The following JMJD1C variants were observed in gnomAD, a reference collection of about 807,000 sequenced individuals.
JMJD1C encodes jumonji domain containing 1C.
In JMJD1C, 31 loss-of-function variants were observed where a neutral mutation model predicts 245.3. The observed-to-expected ratio is 0.13, with a 90% CI of 0.09 to 0.17. The LOEUF is 0.17. Ranked by LOEUF, JMJD1C falls within the 10% of genes least tolerant of loss-of-function variation. The pLI, the probability that JMJD1C is intolerant of heterozygous loss-of-function variation, is 1.00. For synonymous variants in JMJD1C, 1,057 were observed against 1,017.4 expected (o/e 1.04, Z -0.74); for missense variants, 2,691 against 3,000.2 (o/e 0.90, Z 2.41).
Position 63,213,945 on chromosome 10 carries a change from T to C in JMJD1C, c.2222A>G (p.His741Arg). ...TAAACAGGTTCTATGAGATGAGGAG[T>C]GAAGAGGAAAAGGATGCTGGCTTAG... Reference protein sequence around the residue: ...PFLSQHPFPLHSSSHRTCLNP... With the variant: ...PFLSQHPFPLRSSSHRTCLNP... The change falls in exon 8 of 26, where the codon CAC becomes CGC. Residue 741 changes from histidine to arginine, a missense_variant. His to Arg is a conservative substitution (Grantham distance 29, BLOSUM62 0). Coordinates refer to ENST00000399262, the MANE Select transcript of JMJD1C (RefSeq NM_032776.3). 6.2e-7 allele frequency: 1 copy of C among 1,613,472 alleles called. No homozygotes were observed. The highest frequency in any genetic ancestry group is 8.5e-7 in the Non-Finnish European group (1 of 1,179,828).
At chr10:63,170,514 T>C (rs1378305431) in intron 24 of JMJD1C, among the ~76,000 whole-genome samples, 2 of 152,248 alleles carry the variant, frequency 1.3e-5, no homozygotes, top group African/African-American at 4.8e-5. Context: ...TGTTCCACTA[T>C]CTCACTGGTC....
intron 24 of JMJD1C, among the ~76,000 whole-genome samples, chr10:63,174,998 T>A (rs1842754048): frequency 6.6e-6 from 1 of 152,224 alleles, no homozygotes; most frequent in Non-Finnish European, 1.5e-5. Context: ...ATGCAAATTA[T>A]ATCTCAATTT....
chr10:63,242,582 T>G (rs1851620185), intron 3 of JMJD1C, among the ~76,000 whole-genome samples: 1 of 152,104 alleles, frequency 6.6e-6, no homozygotes, highest in Non-Finnish European at 1.5e-5. Flanking sequence ...AAAAATTAGC[T>G]GGGCATGGTG....
chr10:63,191,170 C>T (rs1361150446), intron 16 of JMJD1C, 62 bp from the exon 17 acceptor site: 2 of 1,380,336 alleles, frequency 1.4e-6, no homozygotes, highest in East Asian at 2.3e-5. Flanking sequence ...CTCATTCTGT[C>T]GCCCAGGCTG....
intron 5 of JMJD1C, 113 bp from the exon 6 acceptor site, chr10:63,215,809 T>A (rs1847913291): frequency 1.6e-6 from 1 of 640,448 alleles, no homozygotes. Context: ...GGATCCCTAA[T>A]TTATAAGATG....
chr10:63,446,595 A>C (rs1272632631), intron 1 of JMJD1C, among the ~76,000 whole-genome samples: 1 of 152,246 alleles, frequency 6.6e-6, no homozygotes, highest in Admixed American at 6.5e-5. Flanking sequence ...AAAACCTTCC[A>C]AGGAGAGGCA....
chr10:63,450,797 G>A (rs1360494260), intron 1 of JMJD1C, among the ~76,000 whole-genome samples: 7 of 151,848 alleles, frequency 4.6e-5, no homozygotes, highest in Admixed American at 1.3e-4. Flanking sequence ...TCTATTCAAC[G>A]CAGCATTGGA....
chr10:63,276,206 C>T (rs1040967032), intron 2 of JMJD1C, among the ~76,000 whole-genome samples: 1 of 152,042 alleles, frequency 6.6e-6, no homozygotes, highest in Admixed American at 6.6e-5. Context: ...GTGGCTCATA[C>T]CTGTAATCCC....
At chr10:63,305,457 ACCCT>A (rs1554880629) in intron 2 of JMJD1C, among the ~76,000 whole-genome samples, 1 of 37,212 alleles carries the variant, frequency 2.7e-5, no homozygotes, top group African/African-American at 1.1e-4. Context: ...AGACGCTCTG[ACCCT>A]CTCTCTCTCT....
At chr10:63,265,277 G>A (rs751534757) in intron 2 of JMJD1C, among the ~76,000 whole-genome samples, 2 of 117,372 alleles carry the variant, frequency 1.7e-5, no homozygotes, top group Non-Finnish European at 3.5e-5. Flanking sequence ...CCCCGCCCCT[G>A]CACCAAGCAC....
At chr10:63,277,963 C>A (rs1856983938) in intron 2 of JMJD1C, among the ~76,000 whole-genome samples, 1 of 151,648 alleles carries the variant, frequency 6.6e-6, no homozygotes, top group Non-Finnish European at 1.5e-5. Context: ...TCTCCAACTA[C>A]CTCAGGTTAT....
chr10:63,208,861 G>C, intron 9 of JMJD1C, 60 bp from the exon 10 acceptor site: 1 of 1,324,838 alleles, frequency 7.5e-7, no homozygotes, highest in African/African-American at 1.5e-5. Flanking sequence ...TACAAAGACA[G>C]CTTCTATGCA....
intron 2 of JMJD1C, among the ~76,000 whole-genome samples, chr10:63,328,793 A>T (rs887715274): frequency 6.6e-6 from 1 of 152,248 alleles, no homozygotes; most frequent in Non-Finnish European, 1.5e-5. Context: ...TTTAATATGT[A>T]CTTTAACTTT....
intron 1 of JMJD1C, among the ~76,000 whole-genome samples, chr10:63,417,119 ACTT>A (rs1294000736): frequency 1.3e-5 from 2 of 152,174 alleles, no homozygotes; most frequent in Non-Finnish European, 2.9e-5. Context: ...GACGGCACCT[ACTT>A]TGAAAAAATT....
chr10:63,293,100 T>C (rs1289724339), intron 2 of JMJD1C, among the ~76,000 whole-genome samples: 2 of 152,104 alleles, frequency 1.3e-5, no homozygotes, highest in African/African-American at 4.8e-5. Context: ...TAGCCAAGTA[T>C]TTTCCCCAGG....
intron 3 of JMJD1C, chr10:63,222,377 G>A: frequency 1.0e-6 from 1 of 997,768 alleles, no homozygotes; most frequent in Non-Finnish European, 1.6e-6. Context: ...CAGTACAGCT[G>A]GATGTCATCC....
intron 2 of JMJD1C, among the ~76,000 whole-genome samples, chr10:63,343,100 G>A (rs1023506123): frequency 7.9e-5 from 12 of 152,056 alleles, no homozygotes; most frequent in African/African-American, 2.4e-4. Flanking sequence ...AGTGGCTCGC[G>A]TCTGCAATCC....
upstream of JMJD1C, among the ~76,000 whole-genome samples, chr10:63,468,649 T>C (rs910827974): frequency 6.6e-6 from 1 of 152,354 alleles, no homozygotes; most frequent in East Asian, 1.9e-4. Flanking sequence ...AAATTAGACA[T>C]ATAAATTAGA....
chr10:63,409,243 C>T lies in JMJD1C; in HGVS notation c.169-28761G>A, dbSNP rs78826495. Among the ~76,000 whole-genome samples, 975 of 152,240 alleles carry T rather than the reference C, an allele frequency of 6.4e-3. 6 individuals carry two copies. Among genetic ancestry groups the T allele is most frequent in the Non-Finnish European group, 0.011 (758 of 68,026 alleles). ...CTTACTACATACATAAAACAACTTCCATACACAGAAAATTCTGGGAGGGAT... is the reference window on the plus strand; with the variant it reads ...CTTACTACATACATAAAACAACTTCTATACACAGAAAATTCTGGGAGGGAT... On this transcript the variant is annotated intron_variant, in intron 1 of 25. Transcript: ENST00000399262.
Sources: gnomAD v4.1 joint callset for allele counts (sites outside exome capture counted in the v4.1 genomes callset) on GRCh38, gnomAD v4.1.1 for gene constraint, MANE v1.5 for transcripts, NCBI Gene and HGNC (gene_info 2026-07-23, HGNC 2026-07-21) for gene names.